Variants in EBF1 observed in about 807,000 individuals in gnomAD.
EBF1 encodes the protein transcription factor COE1.
In EBF1, 10 loss-of-function variants were observed where a neutral mutation model predicts 68.4. The ratio of observed to expected loss-of-function variants is 0.15; its 90% CI spans 0.09 to 0.25. EBF1 has a LOEUF of 0.25. EBF1 is among the 10% of genes least tolerant of loss of function. The pLI is 1.00. For synonymous variants in EBF1, 298 were observed against 299.8 expected, an observed-to-expected ratio of 0.99 and a Z score of 0.06; for missense variants, 509 against 794.4, an observed-to-expected ratio of 0.64 and a Z score of 4.32.
intron 1 of EBF1, 65 bp from the exon 2 acceptor site, chr5:159,097,195 GT>G: frequency 6.5e-7 from 1 of 1,536,758 alleles, no homozygotes; most frequent in South Asian, 1.2e-5. Flanking sequence ...TTGTCACCCT[GT>G]ACACACACTC....
At chr5:158,858,285 A>T (rs1199471404) in intron 6 of EBF1, among the ~76,000 whole-genome samples, 1 of 152,158 alleles carries the variant, frequency 6.6e-6, no homozygotes, top group Non-Finnish European at 1.5e-5. Context: ...AGACATGGCA[A>T]TTCTTCAAAG....
intron 10 of EBF1, 86 bp from the exon 11 acceptor site, chr5:158,731,243 A>AG: frequency 7.9e-7 from 1 of 1,270,864 alleles, no homozygotes; most frequent in Non-Finnish European, 1.1e-6. Flanking sequence ...GGAAATAACC[A>AG]GGAAGTCCAA....
At chr5:159,002,461 T>C (rs1423990958) in intron 6 of EBF1, among the ~76,000 whole-genome samples, 1 of 152,202 alleles carries the variant, frequency 6.6e-6, no homozygotes, top group Non-Finnish European at 1.5e-5. Context: ...GTGTAGTTCA[T>C]TAATGTGAGA....
chr5:158,948,101 A>G (rs1277409580), intron 6 of EBF1, among the ~76,000 whole-genome samples: 1 of 152,210 alleles, frequency 6.6e-6, no homozygotes, highest in Non-Finnish European at 1.5e-5. Flanking sequence ...CTGTCACAGG[A>G]ACAGAGAGAT....
At chr5:158,798,604 T>C (rs1458473427) in intron 8 of EBF1, among the ~76,000 whole-genome samples, 1 of 152,118 alleles carries the variant, frequency 6.6e-6, no homozygotes, top group Non-Finnish European at 1.5e-5. Context: ...TTCCCACTTG[T>C]TATACGTAGG....
At chr5:158,950,142 T>C (rs138003810) in intron 6 of EBF1, among the ~76,000 whole-genome samples, 12 of 152,368 alleles carry the variant, frequency 7.9e-5, no homozygotes, top group Middle Eastern at 3.4e-3. Flanking sequence ...TTCTATTTCC[T>C]GGCCCAAAGG....
chr5:158,990,341 T>C (rs1337971898), intron 6 of EBF1, among the ~76,000 whole-genome samples: 1 of 152,174 alleles, frequency 6.6e-6, no homozygotes, highest in Non-Finnish European at 1.5e-5. Context: ...GCTTCTTCAC[T>C]GGAGAAAGGC....
intron 6 of EBF1, among the ~76,000 whole-genome samples, chr5:159,046,422 T>A (rs1345936116): frequency 1.3e-5 from 2 of 152,172 alleles, no homozygotes; most frequent in Non-Finnish European, 2.9e-5. Flanking sequence ...TCCTACTTAT[T>A]AAAACATTCT....
At chr5:158,702,743 CAAAAAAAAAAA>C (rs58496050) in intron 15 of EBF1, among the ~76,000 whole-genome samples, 8 of 41,620 alleles carry the variant, frequency 1.9e-4, no homozygotes, top group African/African-American at 7.3e-4. Context: ...GACTCCTTCT[CAAAAAAAAAAA>C]AAAAAAAAAA....
intron 6 of EBF1, among the ~76,000 whole-genome samples, chr5:158,969,832 AAGAAAGAAAG>A (rs1374179600): frequency 4.2e-5 from 6 of 142,130 alleles, no homozygotes; most frequent in Admixed American, 7.2e-5. Context: ...AAAGACAGAA[AAGAAAGAAAG>A]AGAAAGAAAG....
intron 6 of EBF1, among the ~76,000 whole-genome samples, chr5:158,874,812 A>T (rs1222342046): frequency 6.6e-6 from 1 of 152,208 alleles, no homozygotes; most frequent in Non-Finnish European, 1.5e-5. Context: ...TTACACCTAC[A>T]GTAATATAAT....
At chr5:158,911,066 C>G (rs1805853620) in intron 6 of EBF1, among the ~76,000 whole-genome samples, 1 of 152,096 alleles carries the variant, frequency 6.6e-6, no homozygotes, top group Non-Finnish European at 1.5e-5. Context: ...TCCCCATGTA[C>G]CATAGTCTCC....
chr5:158,861,247 G>T (rs3756666), intron 6 of EBF1, among the ~76,000 whole-genome samples: 8 of 152,262 alleles, frequency 5.3e-5, no homozygotes, highest in African/African-American at 1.4e-4. Flanking sequence ...TATTAATGGC[G>T]TCTATCAAAT....
chr5:159,022,056 T>TAAAAAAAAAAAA lies in EBF1; in HGVS notation c.554+51328_554+51339dup, dbSNP rs10630834. On this transcript the variant is annotated intron_variant, in intron 6 of 15. Transcript: ENST00000313708. ...TTAAAAGGAACATTTGTCAGCACGA[T>TAAAAAAAAAAAA]AAAAAAAAAAAAAAAAAAAAGGCAA... Among the ~76,000 whole-genome samples, 5 of 105,626 alleles carry TAAAAAAAAAAAA rather than the reference T, an allele frequency of 4.7e-5. 1 individual carries two copies. Among genetic ancestry groups the TAAAAAAAAAAAA allele is most frequent in the Non-Finnish European group, 5.5e-5 (3 of 54,618 alleles). 69.3% of individuals were successfully genotyped at this position (105,626 alleles called of 152,430 possible).
At position 158,772,979 on chromosome 5, in the gene EBF1, G is replaced by T. The variant is rs867175727; in HGVS notation, c.1036+4434C>A. ...TAGAGGCATCATATGATGTCCCAAG[G>T]ATAACCTCTCTAGTAAATGGTAGAT... On this transcript the variant is annotated intron_variant, in intron 10 of 15. Transcript: ENST00000313708. 3.9e-5 allele frequency among the ~76,000 whole-genome samples: 6 copies of T among 152,128 alleles called. No individual in the cohort carries two copies. The South Asian group carries it at 1.0e-3, about 26-fold the overall frequency.
intron 6 of EBF1, among the ~76,000 whole-genome samples, chr5:158,935,805 C>T (rs527701134): frequency 1.3e-5 from 2 of 152,308 alleles, no homozygotes; most frequent in African/African-American, 4.8e-5. Flanking sequence ...CAAACACCCA[C>T]TCTGTGCTGG....
chr5:159,061,566 T>C (rs1035033061), intron 6 of EBF1, among the ~76,000 whole-genome samples: 17 of 152,196 alleles, frequency 1.1e-4, no homozygotes, highest in African/African-American at 3.9e-4. Flanking sequence ...GGAATTCAGT[T>C]GAAACAGCTC....
chr5:158,844,004 C>T (rs1790871488), intron 6 of EBF1, among the ~76,000 whole-genome samples: 1 of 152,020 alleles, frequency 6.6e-6, no homozygotes, highest in Non-Finnish European at 1.5e-5. Context: ...TGAATTGCTG[C>T]ATTTTGTGAG....
chr5:159,067,501 T>C (rs1448748184), intron 6 of EBF1, among the ~76,000 whole-genome samples: 1 of 152,234 alleles, frequency 6.6e-6, no homozygotes, highest in Non-Finnish European at 1.5e-5. Context: ...CATGTAAAAG[T>C]ACTTTGCATT....
Sources: allele counts gnomAD v4.1 joint callset (sites outside exome capture counted in the v4.1 genomes callset), GRCh38; gene constraint gnomAD v4.1.1; transcripts MANE v1.5; gene names NCBI Gene and HGNC (gene_info 2026-07-23, HGNC 2026-07-21).